The following HRH2 variants were observed in gnomAD, a reference collection of about 807,000 sequenced individuals.
The protein encoded by HRH2 is histamine receptor H2, also known as histamine H2 receptor.
In HRH2, 4 loss-of-function variants were observed where a neutral mutation model predicts 20.1. The observed-to-expected ratio is 0.20, with a 90% confidence interval of 0.10 to 0.45. The LOEUF (loss-of-function observed/expected upper bound fraction) is 0.45, where lower values mean the gene tolerates loss of function less well. Ranked by LOEUF, HRH2 falls within the 20% of genes least tolerant of loss-of-function variation. The pLI is 0.99. For missense variants in HRH2, 250 were observed against 461.6 expected, an observed-to-expected ratio of 0.54 and a Z score of 4.20; for synonymous variants, 197 against 200.7, an observed-to-expected ratio of 0.98 and a Z score of 0.16.
rs192792991 is a variant in HRH2 at position 175,697,320 on chromosome 5, G to A, written c.1077-10459G>A. ...CTACTAAAAATACAAAAAATTAGCC[G>A]GGCGTGGTGGTGGGCGCCTGTAATC... On this transcript the variant is annotated intron_variant, in intron 2 of 2. Coordinates refer to ENST00000636584, the MANE Select transcript of HRH2 (RefSeq NM_001367711.1). 5.2e-3 allele frequency among the ~76,000 whole-genome samples: 782 copies of A among 151,778 alleles called. 41 individuals are homozygous for A. The East Asian group carries it at 0.12, about 24-fold the overall frequency.
At chr5:175,705,011 T>C (rs1022110364) in intron 2 of HRH2, among the ~76,000 whole-genome samples, 1 of 152,126 alleles carries the variant, frequency 6.6e-6, no homozygotes, top group Non-Finnish European at 1.5e-5. Context: ...AACTGAATTT[T>C]GTATACTGAT....
In HRH2 at chr5:175,708,447, C is replaced by T. The variant is rs1757010230; in HGVS notation, c.*476C>T. On this transcript the variant is annotated 3_prime_UTR_variant, in exon 3 of 3. Coordinates refer to ENST00000636584, the MANE Select transcript of HRH2 (RefSeq NM_001367711.1). The stretch of plus-strand genomic sequence containing the variant: ...GAAGGAAATAGCTTTTCATGAGCAC[C>T]TACTGTGTACCAGGTGCTTCCCTGG... The T allele has an allele frequency of 6.6e-6, 1 of 152,668 alleles. No individual in the cohort carries two copies. The highest frequency in any genetic ancestry group is 2.1e-4 in the South Asian group (1 of 4,832). The allele number at this position is 152,668 out of a possible 1,614,324, so 9.5% of individuals were successfully genotyped here. A position where few individuals can be genotyped will look rare whatever the true frequency, so the allele number is the denominator to read the frequency against.
At position 175,687,351 on chromosome 5, in the gene HRH2, C is replaced by T. The variant is rs1483154365; in HGVS notation, c.1076+3042C>T. On this transcript the variant is annotated intron_variant, in intron 2 of 2. Coordinates refer to ENST00000636584, the MANE Select transcript of HRH2 (RefSeq NM_001367711.1). This position sits in a 1 kb window ranked among gnomAD's most constrained non-coding sequence, Gnocchi z 5.2. ...CCGTCTGGGGACAAACCCGCACTGA[C>T]CCAGAGCCGTTATCACTGCCAAGAT... 6.6e-6 allele frequency among the ~76,000 whole-genome samples: 1 copy of T among 152,196 alleles called. No homozygotes were observed. The highest frequency in any genetic ancestry group is 1.9e-4 in the East Asian group (1 of 5,180).
At chr5:175,678,305 G>T (rs192508367) in intron 1 of HRH2, among the ~76,000 whole-genome samples, 1 of 152,308 alleles carries the variant, frequency 6.6e-6, no homozygotes, top group East Asian at 1.9e-4. Context: ...TGACCATGCA[G>T]CTTTAGCCAA....
In HRH2 at chr5:175,670,305, C is replaced by G. The variant is rs547502405; in HGVS notation, c.-526+12150C>G. Among the ~76,000 whole-genome samples, 42 of 152,166 alleles carry G rather than the reference C, an allele frequency of 2.8e-4. No individual in the cohort carries two copies. The South Asian group carries it at 8.7e-3, about 32-fold the overall frequency. On this transcript the variant is annotated intron_variant, in intron 1 of 2. Coordinates refer to ENST00000636584, the MANE Select transcript of HRH2 (RefSeq NM_001367711.1). Reference sequence around the variant, plus strand: ...TTTTTAAAGTAACTGGAAATCTAGACTTTTTACATGAAATCTCCTGATTGT... The same window carrying G: ...TTTTTAAAGTAACTGGAAATCTAGAGTTTTTACATGAAATCTCCTGATTGT...
rs1756445323 is a variant in HRH2 at position 175,693,181 on chromosome 5, T to C, written c.1076+8872T>C. 6.6e-6 allele frequency among the ~76,000 whole-genome samples: 1 copy of C among 152,160 alleles called. No homozygotes were observed. The highest frequency in any genetic ancestry group is 1.5e-5 in the Non-Finnish European group (1 of 68,016). ...CTGTCCCTGAAGCAGCAGTGGTGAG[T>C]CACAGGGCTCCCTGTTTTGGGGGCT... On this transcript the variant is annotated intron_variant, in intron 2 of 2. Coordinates refer to ENST00000636584, the MANE Select transcript of HRH2 (RefSeq NM_001367711.1). This position sits in a 1 kb window ranked among gnomAD's most constrained non-coding sequence, Gnocchi z 4.4.
chr5:175,693,536 T>C lies in HRH2; in HGVS notation c.1076+9227T>C, dbSNP rs1398232002. Among the ~76,000 whole-genome samples, 4 of 152,206 alleles carry C rather than the reference T, an allele frequency of 2.6e-5. No individual in the cohort carries two copies. The East Asian group carries it at 7.7e-4, about 29-fold the overall frequency. On this transcript the variant is annotated intron_variant, in intron 2 of 2. Transcript: ENST00000636584. The surrounding 1 kb of genome is among the most constrained non-coding windows in gnomAD (Gnocchi z 4.4). ...GTGAGGACTGACCACATCCCTTTGTTACCCAGGGTGGGTGGACTGGCTGTC... is the reference window on the plus strand; with the variant it reads ...GTGAGGACTGACCACATCCCTTTGTCACCCAGGGTGGGTGGACTGGCTGTC...
chr5:175,690,740 G>A (rs963346273), intron 2 of HRH2, among the ~76,000 whole-genome samples: 2 of 151,928 alleles, frequency 1.3e-5, no homozygotes, highest in African/African-American at 4.8e-5. Context: ...CTGCACCTCT[G>A]AGCTGACCCC....
In HRH2 at chr5:175,693,913, T is replaced by C. The variant is rs933813481; in HGVS notation, c.1076+9604T>C. Among the ~76,000 whole-genome samples the C allele has an allele frequency of 3.3e-5, 5 of 152,214 alleles. No individual in the cohort carries two copies. Among genetic ancestry groups the C allele is most frequent in the African/African-American group, 1.2e-4 (5 of 41,462 alleles). ...TTCACTCATCCCTTACCAGACACTCTCGCAAGCTGGGAAGCTATTTGTGAC... is the reference window on the plus strand; with the variant it reads ...TTCACTCATCCCTTACCAGACACTCCCGCAAGCTGGGAAGCTATTTGTGAC... On this transcript the variant is annotated intron_variant, in intron 2 of 2. Coordinates refer to ENST00000636584, the MANE Select transcript of HRH2 (RefSeq NM_001367711.1). The surrounding 1 kb of genome is among the most constrained non-coding windows in gnomAD (Gnocchi z 4.4).
chr5:175,680,082 G>A (rs548653164), intron 1 of HRH2, among the ~76,000 whole-genome samples: 1 of 152,344 alleles, frequency 6.6e-6, no homozygotes, highest in Admixed American at 6.5e-5. Flanking sequence ...GGATCCAGCA[G>A]GACAGTTGTG....
rs1375411881 is a variant in HRH2, at chr5:175,681,028, A to G, written c.-525-1681A>G. Among the ~76,000 whole-genome samples the G allele has an allele frequency of 2.0e-5, 3 of 152,148 alleles. No individual in the cohort carries two copies. Among genetic ancestry groups the G allele is most frequent in the African/African-American group, 7.2e-5 (3 of 41,424 alleles). ...AGATTTGAAGACCCCTCATCCAAAC[A>G]TGAACTCAAATGTCAGCCTGATGCC... On this transcript the variant is annotated intron_variant, in intron 1 of 2. Coordinates refer to ENST00000636584, the MANE Select transcript of HRH2 (RefSeq NM_001367711.1). The surrounding 1 kb of genome is among the most constrained non-coding windows in gnomAD (Gnocchi z 4.3).
At chr5:175,690,620 G>T (rs185029160) in intron 2 of HRH2, among the ~76,000 whole-genome samples, 1 of 152,104 alleles carries the variant, frequency 6.6e-6, no homozygotes, top group Admixed American at 6.5e-5. Context: ...CATATTATAG[G>T]ATTCACCCGT....
In HRH2 at chr5:175,704,448, C is replaced by A. The variant is rs540786430; in HGVS notation, c.1077-3331C>A. ...CTGAGTAAGTTTAAGCATTTATTCACGATTTGAAACACAAAACAAAATCTC... is the reference window on the plus strand; with the variant it reads ...CTGAGTAAGTTTAAGCATTTATTCAAGATTTGAAACACAAAACAAAATCTC... On this transcript the variant is annotated intron_variant, in intron 2 of 2. Coordinates refer to ENST00000636584, the MANE Select transcript of HRH2 (RefSeq NM_001367711.1). Among the ~76,000 whole-genome samples the A allele has an allele frequency of 1.9e-4, 29 of 152,038 alleles. 1 individual carries two copies. The South Asian group carries it at 6.0e-3, about 32-fold the overall frequency.
At chr5:175,702,591 G>A (rs7721074) in intron 2 of HRH2, among the ~76,000 whole-genome samples, 12,775 of 118,928 alleles carry the variant, frequency 0.11, 648 homozygotes, top group African/African-American at 0.14. Flanking sequence ...TCACTCTGCC[G>A]CCCAGGCTGG....
At chr5:175,697,321 G>T (rs533601288) in intron 2 of HRH2, among the ~76,000 whole-genome samples, 4 of 151,866 alleles carry the variant, frequency 2.6e-5, no homozygotes, top group Admixed American at 2.0e-4. Flanking sequence ...AAATTAGCCG[G>T]GCGTGGTGGT....
chr5:175,699,270 G>A (rs746721063), intron 2 of HRH2, among the ~76,000 whole-genome samples: 11 of 152,320 alleles, frequency 7.2e-5, no homozygotes, highest in East Asian at 3.9e-4. Flanking sequence ...CCACCATGGC[G>A]TATTTTAAAA....
At chr5:175,662,231 A>G (rs1762759325) in intron 1 of HRH2, among the ~76,000 whole-genome samples, 1 of 152,144 alleles carries the variant, frequency 6.6e-6, no homozygotes, top group Admixed American at 6.5e-5. Flanking sequence ...GGAATTCACC[A>G]GGTGAGCCAG....
At chr5:175,664,033 G>C (rs1320937907) in intron 1 of HRH2, among the ~76,000 whole-genome samples, 1 of 152,204 alleles carries the variant, frequency 6.6e-6, no homozygotes, top group Non-Finnish European at 1.5e-5. Flanking sequence ...AGTGTGGCTG[G>C]AGCCAAGTTG....
intron 1 of HRH2, among the ~76,000 whole-genome samples, chr5:175,671,496 C>A (rs1239705883): frequency 6.6e-6 from 1 of 152,172 alleles, no homozygotes; most frequent in Non-Finnish European, 1.5e-5. Context: ...GTGGCCACAG[C>A]TGCTACTGAT....
Sources: allele counts gnomAD v4.1 joint callset (sites outside exome capture counted in the v4.1 genomes callset), GRCh38; gene constraint gnomAD v4.1.1; non-coding constraint Gnocchi (gnomAD v3.1); transcripts MANE v1.5; gene names NCBI Gene and HGNC (gene_info 2026-07-23, HGNC 2026-07-21).